The following KPNA6 variants were observed in gnomAD, a reference collection of about 807,000 sequenced individuals.
The protein encoded by KPNA6 is importin subunit alpha-7.
In KPNA6, 9 loss-of-function variants were observed where a neutral mutation model predicts 72.0. The observed-to-expected ratio is 0.13, with a 90% CI of 0.08 to 0.22. The LOEUF (loss-of-function observed/expected upper bound fraction) is 0.22. Among genes scored for constraint, KPNA6 ranks in the 10% least tolerant of loss-of-function variants. The pLI is 1.00. For synonymous variants in KPNA6, 219 were observed against 242.1 expected (o/e 0.90, Z 0.89); for missense variants, 374 against 655.7 (o/e 0.57, Z 4.69).
In KPNA6 at chr1:32,170,791, G is replaced by A; in HGVS notation, c.1508G>A (p.Gly503Asp). 1 of 1,614,204 alleles carries A rather than the reference G, an allele frequency of 6.2e-7. No homozygotes were observed. The highest frequency in any genetic ancestry group is 1.1e-5 in the South Asian group (1 of 91,084). Residue 503 changes from glycine to aspartate, a missense_variant, in exon 14 of 14, where the codon GGT (glycine) becomes GAT (aspartate). Around this residue, in one of 3 missense-constraint regions of KPNA6, gnomAD observed 42 missense variants for 49.8 expected, o/e 0.84. Coordinates refer to ENST00000373625, the MANE Select transcript of KPNA6 (RefSeq NM_012316.5). The part of the protein sequence containing the change: ...KAFDLIEHYF[G>D]VEDDDSSLAP... Reference sequence around the variant, plus strand: ...TTCGACCTCATTGAGCACTACTTTGGTGTAGAAGACGATGATAGCAGCCTG... The same window carrying A: ...TTCGACCTCATTGAGCACTACTTTGATGTAGAAGACGATGATAGCAGCCTG...
In KPNA6 at chr1:32,108,064, T is replaced by TACTGAAAGCTGCC. The variant is rs1641173778; in HGVS notation, c.-66_-54dup. 3 of 1,612,446 alleles carry TACTGAAAGCTGCC rather than the reference T, an allele frequency of 1.9e-6. No individual in the cohort carries two copies. The highest frequency in any genetic ancestry group is 2.2e-5 in the East Asian group (1 of 44,870). On this transcript the variant is annotated 5_prime_UTR_variant, in exon 1 of 14. Transcript: ENST00000373625. ...CGTCCTACAGATCCGCCATATTGTC[T>TACTGAAAGCTGCC]ACTGAAAGCTGCCGCTGAAGCTGCC...
At chr1:32,168,091 C>G (rs1285075638) in intron 12 of KPNA6, among the ~76,000 whole-genome samples, 1 of 152,140 alleles carries the variant, frequency 6.6e-6, no homozygotes, top group Admixed American at 6.5e-5. Context: ...TCACCTGAGC[C>G]CAGGAGGTCA....
intron 1 of KPNA6, among the ~76,000 whole-genome samples, chr1:32,113,262 G>A (rs868728675): frequency 2.6e-5 from 4 of 151,876 alleles, no homozygotes; most frequent in African/African-American, 7.3e-5. Context: ...GTGTGGTGGC[G>A]CGTGACTGTA....
chr1:32,166,926 A>AGACT (rs1642350616), intron 11 of KPNA6, among the ~76,000 whole-genome samples: 1 of 152,166 alleles, frequency 6.6e-6, no homozygotes, highest in Non-Finnish European at 1.5e-5. Flanking sequence ...TGACAGAGCA[A>AGACT]GACTGTCTCA....
At chr1:32,163,122 A>G (rs1023534743) in intron 9 of KPNA6, 113 bp from the exon 10 acceptor site, 2 of 668,270 alleles carry the variant, frequency 3.0e-6, no homozygotes, top group South Asian at 3.6e-5. Context: ...AAGAAAAAAG[A>G]AAAAAAAAGG....
At position 32,172,174 on chromosome 1, in the gene KPNA6, C is replaced by A. The variant is rs929461857; in HGVS notation, c.*1280C>A. 1 of 152,118 alleles carries A rather than the reference C, an allele frequency of 6.6e-6. No homozygotes were observed. The highest frequency in any genetic ancestry group is 6.6e-5 in the Admixed American group (1 of 15,266). The allele number at this position is 152,118 out of a possible 1,614,324, so 9.4% of individuals were successfully genotyped here. ...AGACCAAAAAGAGATATGGATGCTT[C>A]CTCGCTCAGGAGGCCTGAGCTTGGT... On this transcript the variant is annotated 3_prime_UTR_variant, in exon 14 of 14. Coordinates refer to ENST00000373625, the MANE Select transcript of KPNA6 (RefSeq NM_012316.5).
At chr1:32,113,398 C>A (rs1181302808) in intron 1 of KPNA6, among the ~76,000 whole-genome samples, 3 of 151,966 alleles carry the variant, frequency 2.0e-5, no homozygotes, top group Non-Finnish European at 2.9e-5. Flanking sequence ...CTCAAAAAAA[C>A]CCCAAAAATC....
intron 10 of KPNA6, 88 bp downstream of exon 10, chr1:32,163,401 G>T (rs1250637925): frequency 1.4e-5 from 13 of 937,380 alleles, no homozygotes; most frequent in Non-Finnish European, 2.2e-5. Context: ...TCCTGCAAAG[G>T]GCTGTGGTCC....
intron 1 of KPNA6, among the ~76,000 whole-genome samples, chr1:32,126,008 C>G (rs931998409): frequency 6.9e-6 from 1 of 143,996 alleles, no homozygotes; most frequent in Non-Finnish European, 1.5e-5. Flanking sequence ...AAAACCTGTC[C>G]TATTTTCAGA....
At position 32,170,836 on chromosome 1, in the gene KPNA6, C is replaced by A; in HGVS notation, c.1553C>A (p.Thr518Lys). 3 of 1,614,162 alleles carry A rather than the reference C, an allele frequency of 1.9e-6. No individual in the cohort carries two copies. The highest frequency in any genetic ancestry group is 2.5e-6 in the Non-Finnish European group (3 of 1,180,024). Reference protein sequence around the residue: ...DSSLAPQVDETQQQFIFQQPE... With the variant: ...DSSLAPQVDEKQQQFIFQQPE... ...AGCCTGGCTCCCCAAGTCGATGAAA[C>A]GCAACAGCAGTTCATCTTCCAGCAG... is the stretch of plus-strand genomic sequence containing the variant. The change falls in exon 14 of 14, where the codon ACG (threonine) becomes AAG (lysine). Residue 518 changes from threonine (T) to lysine (K), a missense_variant. By Grantham distance (78) the Thr-to-Lys change is moderately conservative (BLOSUM62 -1). Around this residue, in one of 3 missense-constraint regions of KPNA6, gnomAD observed 42 missense variants for 49.8 expected, o/e 0.84. Coordinates refer to ENST00000373625, the MANE Select transcript of KPNA6 (RefSeq NM_012316.5).
intron 1 of KPNA6, among the ~76,000 whole-genome samples, chr1:32,134,855 G>C (rs1187474167): frequency 6.6e-6 from 1 of 151,660 alleles, no homozygotes; most frequent in Admixed American, 6.6e-5. Context: ...GGGGGTGACA[G>C]CTAAAGAGTA....
chr1:32,157,012 C>T (rs983754295), intron 3 of KPNA6, 67 bp downstream of exon 3: 14 of 1,149,262 alleles, frequency 1.2e-5, no homozygotes, highest in African/African-American at 1.1e-4. Flanking sequence ...GAAATTGGGC[C>T]GTTCACATCA....
intron 7 of KPNA6, among the ~76,000 whole-genome samples, chr1:32,161,140 C>T (rs936628829): frequency 6.7e-6 from 1 of 149,396 alleles, no homozygotes; most frequent in African/African-American, 2.5e-5. Flanking sequence ...TCAGCCTGGG[C>T]AAAAGAGTGA....
Position 32,174,495 on chromosome 1 carries a change from A to G in KPNA6, c.*3601A>G, listed in dbSNP as rs1642493826. On this transcript the variant is annotated 3_prime_UTR_variant, in exon 14 of 14. Coordinates refer to ENST00000373625, the MANE Select transcript of KPNA6 (RefSeq NM_012316.5). Reference sequence around the variant, plus strand: ...TACTTGTTTCTAGCAAACTAGAAGGAAAAGATAGGAAAGCCTGGCACTACT... The same window carrying G: ...TACTTGTTTCTAGCAAACTAGAAGGGAAAGATAGGAAAGCCTGGCACTACT... 1 of 152,234 alleles carries G rather than the reference A, an allele frequency of 6.6e-6. No individual in the cohort carries two copies. Among genetic ancestry groups the G allele is most frequent in the Admixed American group, 6.5e-5 (1 of 15,272 alleles). The allele number at this position is 152,234 out of a possible 1,614,324, so 9.4% of individuals were successfully genotyped here. A position where few individuals can be genotyped will look rare whatever the true frequency, so the allele number is the denominator to read the frequency against.
chr1:32,172,749 C>T lies in KPNA6; in HGVS notation c.*1855C>T. On this transcript the variant is annotated 3_prime_UTR_variant, in exon 14 of 14. Transcript: ENST00000373625. ...GCTGTGGAGCTGAAGGCACAGTCTG[C>T]CCCACCCCCACCTCCCCACTGTGGT... 4.7e-6 allele frequency: 1 copy of T among 214,194 alleles called. No individual in the cohort carries two copies. The highest frequency in any genetic ancestry group is 9.4e-5 in the East Asian group (1 of 10,652). The allele number at this position is 214,194 out of a possible 1,614,324, so 13.3% of individuals were successfully genotyped here. A position where few individuals can be genotyped will look rare whatever the true frequency, so the allele number is the denominator to read the frequency against.
At chr1:32,169,167 A>T (rs938624384) in intron 12 of KPNA6, among the ~76,000 whole-genome samples, 1 of 152,040 alleles carries the variant, frequency 6.6e-6, no homozygotes, top group Non-Finnish European at 1.5e-5. Flanking sequence ...CAGGAATTTG[A>T]GACCAGCCTG....
intron 1 of KPNA6, among the ~76,000 whole-genome samples, chr1:32,149,148 C>A (rs980000136): frequency 6.6e-6 from 1 of 151,840 alleles, no homozygotes; most frequent in East Asian, 1.9e-4. Context: ...CTGTTGAACC[C>A]CTCTAGTGAA....
chr1:32,147,090 A>T (rs527273816), intron 1 of KPNA6, among the ~76,000 whole-genome samples: 1 of 152,132 alleles, frequency 6.6e-6, no homozygotes, highest in African/African-American at 2.4e-5. Flanking sequence ...AACTCGGCTC[A>T]TGTGATCCTC....
intron 4 of KPNA6, among the ~76,000 whole-genome samples, chr1:32,157,973 G>C (rs2124069452): frequency 6.6e-6 from 1 of 152,296 alleles, no homozygotes; most frequent in East Asian, 1.9e-4. Context: ...GAAATGTGCA[G>C]ACCATGGTTG....
Sources: allele counts gnomAD v4.1 joint callset (sites outside exome capture counted in the v4.1 genomes callset), GRCh38; gene constraint gnomAD v4.1.1; regional missense constraint gnomAD v4.1.1; transcripts MANE v1.5; gene names NCBI Gene and HGNC (gene_info 2026-07-23, HGNC 2026-07-21).